Variants in SGCD observed in about 807,000 individuals in gnomAD.
SGCD encodes delta-sarcoglycan.
Under a neutral mutation model 36.6 loss-of-function variants are expected in SGCD, and 18 were observed. That is an observed-to-expected ratio of 0.49 (90% confidence interval 0.34 to 0.73). The LOEUF is 0.73. SGCD is among the 30% of genes least tolerant of loss of function. The probability of loss-of-function intolerance (pLI) is 0.01; values close to 1 mark genes in which losing one functional copy is unlikely to be tolerated. For missense variants in SGCD, 387 were observed against 346.7 expected, an observed-to-expected ratio of 1.12 and a Z score of -0.92; for synonymous variants, 133 against 130.6, an observed-to-expected ratio of 1.02 and a Z score of -0.12.
At chr5:155,832,720 G>A in the SGCD span, among the ~76,000 whole-genome samples, 1 of 115,124 alleles carries the variant, frequency 8.7e-6, no homozygotes, top group African/African-American at 3.1e-5. Flanking sequence ...AAATTGTTGA[G>A]TGAGTGAGTG....
At chr5:156,406,790 T>TTATATATATATATATATATATA (rs200600544) in intron 3 of SGCD, among the ~76,000 whole-genome samples, 37 of 75,450 alleles carry the variant, frequency 4.9e-4, no homozygotes, top group East Asian at 2.5e-3. Flanking sequence ...ATAGGAGATT[T>TTATATATATATATATATATATA]TATATATATA....
At chr5:156,382,280 T>C (rs1771025691) in intron 3 of SGCD, among the ~76,000 whole-genome samples, 1 of 152,106 alleles carries the variant, frequency 6.6e-6, no homozygotes, top group Non-Finnish European at 1.5e-5. Flanking sequence ...ACTCCCCTGC[T>C]GAAAGAAGCC....
chr5:155,842,608 T>C, the SGCD span, among the ~76,000 whole-genome samples: 1 of 152,044 alleles, frequency 6.6e-6, no homozygotes, highest in Non-Finnish European at 1.5e-5. Flanking sequence ...TAAAGTTACT[T>C]TGAGCTCAAA....
the SGCD span, among the ~76,000 whole-genome samples, chr5:155,833,845 C>G: frequency 6.6e-6 from 1 of 152,198 alleles, no homozygotes; most frequent in Admixed American, 6.5e-5. Flanking sequence ...TAGATCAGGT[C>G]AACCTATTTG....
chr5:156,738,799 ATTTCGTCT>A (rs1756511386), intron 7 of SGCD: 2 of 152,156 alleles, frequency 1.3e-5, no homozygotes, highest in South Asian at 4.1e-4. Flanking sequence ...ACATTTCCAC[ATTTCGTCT>A]TTATAACAGT....
chr5:156,701,623 T>G lies in SGCD; in HGVS notation c.575+54087T>G, dbSNP rs116538485. 2.0e-3 allele frequency among the ~76,000 whole-genome samples: 302 copies of G among 152,236 alleles called. 2 individuals carry two copies. The highest frequency in any genetic ancestry group is 0.014 in the Middle Eastern group (4 of 294). On this transcript the variant is annotated intron_variant, in intron 7 of 8. Coordinates refer to ENST00000337851, the MANE Select transcript of SGCD (RefSeq NM_000337.6). ...GAAGACCAGAGGCAAAGAGACTAAGTGTTTTTAAAGAATTAGACCATCATT... is the reference window on the plus strand; with the variant it reads ...GAAGACCAGAGGCAAAGAGACTAAGGGTTTTTAAAGAATTAGACCATCATT...
chr5:156,188,662 C>G (rs981861007), intron 3 of SGCD, among the ~76,000 whole-genome samples: 3 of 88,346 alleles, frequency 3.4e-5, no homozygotes, highest in African/African-American at 1.5e-4. Context: ...TCTGACCACC[C>G]CAACCGCCCC....
intron 3 of SGCD, among the ~76,000 whole-genome samples, chr5:156,207,063 A>T (rs1163960349): frequency 6.6e-6 from 1 of 152,076 alleles, no homozygotes; most frequent in African/African-American, 2.4e-5. Context: ...TTTACTTGAA[A>T]TGTTTTTAGA....
intron 4 of SGCD, among the ~76,000 whole-genome samples, chr5:156,586,063 GT>G (rs33956506): frequency 0.14 from 19,436 of 143,918 alleles, 1,451 homozygotes; most frequent in African/African-American, 0.2. Flanking sequence ...TTACTTTGGT[GT>G]TTTTTTTTTT....
the SGCD span, among the ~76,000 whole-genome samples, chr5:155,792,452 A>T: frequency 1.4e-5 from 2 of 142,984 alleles, no homozygotes; most frequent in African/African-American, 5.1e-5. Context: ...AAAAAAAAAA[A>T]GTCAACAGAA....
chr5:155,771,631 G>A, the SGCD span, among the ~76,000 whole-genome samples: 3 of 151,894 alleles, frequency 2.0e-5, no homozygotes, highest in Non-Finnish European at 4.4e-5. Context: ...CACCATGTTG[G>A]CCAGGCTGTT....
In SGCD at chr5:156,330,723, C is replaced by T. The variant is rs1012709580; in HGVS notation, c.3+1144C>T. ...GTGAGGACTTCATACATGTGTTAAC[C>T]GAAAAGGAAGAGGGTGATTGTAGGG... On this transcript the variant is annotated intron_variant, in intron 2 of 8. Transcript: ENST00000337851. Among the ~76,000 whole-genome samples the T allele has an allele frequency of 6.6e-5, 10 of 152,022 alleles. 1 individual carries two copies. The highest frequency in any genetic ancestry group is 3.9e-4 in the East Asian group (2 of 5,182).
intron 2 of SGCD, among the ~76,000 whole-genome samples, chr5:156,341,271 A>G (rs1326020031): frequency 6.6e-6 from 1 of 152,210 alleles, no homozygotes; most frequent in Admixed American, 6.5e-5. Flanking sequence ...GAGATGCCTC[A>G]AAGGTAGCCA....
intron 1 of SGCD, among the ~76,000 whole-genome samples, chr5:155,919,335 C>A: frequency 6.6e-6 from 1 of 152,158 alleles, no homozygotes; most frequent in East Asian, 1.9e-4. Context: ...TGTTTTTCCA[C>A]TGTGGAAAAT....
intron 3 of SGCD, among the ~76,000 whole-genome samples, chr5:156,207,211 C>T (rs1420375623): frequency 6.6e-6 from 1 of 152,050 alleles, no homozygotes; most frequent in Non-Finnish European, 1.5e-5. Context: ...ACTGCATGTA[C>T]ACTTTGATGT....
chr5:156,141,693 G>A (rs1424521119), intron 3 of SGCD, among the ~76,000 whole-genome samples: 1 of 152,178 alleles, frequency 6.6e-6, no homozygotes, highest in Non-Finnish European at 1.5e-5. Context: ...ACTGAAGGAA[G>A]AGAAGTGTTT....
intron 4 of SGCD, among the ~76,000 whole-genome samples, chr5:156,511,754 C>T (rs1007063730): frequency 6.6e-6 from 1 of 152,198 alleles, no homozygotes; most frequent in African/African-American, 2.4e-5. Context: ...AGCAGATTGT[C>T]TGGATTTTCC....
At chr5:156,294,050 C>T (rs1245937837) in intron 3 of SGCD, among the ~76,000 whole-genome samples, 1 of 152,016 alleles carries the variant, frequency 6.6e-6, no homozygotes, top group African/African-American at 2.4e-5. Context: ...TATTTTACCT[C>T]TTTGGTTAAA....
chr5:156,335,464 G>A (rs895398245), intron 2 of SGCD, among the ~76,000 whole-genome samples: 3 of 152,132 alleles, frequency 2.0e-5, no homozygotes, highest in Non-Finnish European at 4.4e-5. Flanking sequence ...ATATCCTGGA[G>A]TCTTAAAGAT....
Sources: gnomAD v4.1 joint callset for allele counts (sites outside exome capture counted in the v4.1 genomes callset) on GRCh38, gnomAD v4.1.1 for gene constraint, MANE v1.5 for transcripts, NCBI Gene and HGNC (gene_info 2026-07-23, HGNC 2026-07-21) for gene names.